Variants in SLC4A10 observed in about 807,000 individuals in gnomAD.
SLC4A10 encodes the protein sodium-driven chloride bicarbonate exchanger.
SLC4A10 carries 42 observed loss-of-function variants against 137.7 expected under a neutral mutation model. The ratio of observed to expected loss-of-function variants is 0.30; its 90% CI spans 0.24 to 0.39. The LOEUF is 0.39. Ranked by LOEUF, SLC4A10 falls within the 10% of genes least tolerant of loss-of-function variation. The probability of loss-of-function intolerance (pLI) is 1.00; values close to 1 mark genes in which losing one functional copy is unlikely to be tolerated. For missense variants in SLC4A10, 925 were observed against 1,355.0 expected (o/e 0.68, Z 4.98); for synonymous variants, 474 against 464.1 (o/e 1.02, Z -0.27).
chr2:161,685,924 G>T (rs760224936), intron 1 of SLC4A10, among the ~76,000 whole-genome samples: 1 of 152,080 alleles, frequency 6.6e-6, no homozygotes, highest in Non-Finnish European at 1.5e-5. Context: ...AGAAAGACAC[G>T]GTCCCTGCCT....
At chr2:161,943,735 T>TA (rs1157188869) in intron 16 of SLC4A10, among the ~76,000 whole-genome samples, 1 of 151,984 alleles carries the variant, frequency 6.6e-6, no homozygotes, top group Non-Finnish European at 1.5e-5. Context: ...TACCTACCCA[T>TA]ATAGGCTCAA....
chr2:161,923,674 T>C (rs1406093060), intron 15 of SLC4A10, among the ~76,000 whole-genome samples: 1 of 147,318 alleles, frequency 6.8e-6, no homozygotes, highest in Admixed American at 6.8e-5. Flanking sequence ...GGGCCTGTTG[T>C]GGGGTGGGGG....
At chr2:161,923,833 AAAG>A (rs1688580884) in intron 15 of SLC4A10, among the ~76,000 whole-genome samples, 1 of 152,174 alleles carries the variant, frequency 6.6e-6, no homozygotes, top group Non-Finnish European at 1.5e-5. Context: ...ATAATAAAAA[AAAG>A]AAAAAAAAAT....
chr2:161,806,498 ACTT>A (rs2055975412), intron 3 of SLC4A10, among the ~76,000 whole-genome samples: 1 of 152,128 alleles, frequency 6.6e-6, no homozygotes, highest in African/African-American at 2.4e-5. Context: ...CATCCAAGTC[ACTT>A]CTTGAATGCT....
rs536100826 is a variant in SLC4A10, at chr2:161,788,126, G to T, written c.131-16323G>T. ...TATGACTGTGGTGTATGTTGTATGT[G>T]ATTGTTTGGCTTCTTTTCTGGGGTT... is the stretch of plus-strand genomic sequence containing the variant. On this transcript the variant is annotated intron_variant, in intron 2 of 26. Transcript: ENST00000446997. Among the ~76,000 whole-genome samples, 28 of 151,416 alleles carry T rather than the reference G, an allele frequency of 1.8e-4. 1 individual carries two copies. The South Asian group carries it at 5.5e-3, about 30-fold the overall frequency.
At chr2:161,966,743 A>AAAAAAAAAC (rs1553645656) in intron 23 of SLC4A10, among the ~76,000 whole-genome samples, 1 of 149,720 alleles carries the variant, frequency 6.7e-6, no homozygotes, top group Non-Finnish European at 1.5e-5. Context: ...CTCAAAAAAA[A>AAAAAAAAAC]AAAAAACAAA....
chr2:161,748,950 A>AT (rs1354624339), intron 1 of SLC4A10, among the ~76,000 whole-genome samples: 5 of 152,024 alleles, frequency 3.3e-5, no homozygotes, highest in East Asian at 1.9e-4. Flanking sequence ...CTTCTTCAAT[A>AT]TTTTTTTAAC....
intron 1 of SLC4A10, among the ~76,000 whole-genome samples, chr2:161,674,685 A>G (rs2040096507): frequency 6.6e-6 from 1 of 152,182 alleles, no homozygotes; most frequent in Non-Finnish European, 1.5e-5. Context: ...GTCTGTTTAT[A>G]TATACCCTGA....
At chr2:161,729,147 G>A (rs538711452) in intron 1 of SLC4A10, among the ~76,000 whole-genome samples, 1 of 152,244 alleles carries the variant, frequency 6.6e-6, no homozygotes, top group South Asian at 2.1e-4. Flanking sequence ...AGGCAAAGAT[G>A]TCAAATATCA....
chr2:161,917,186 TGCA>T (rs1687271376), intron 15 of SLC4A10, among the ~76,000 whole-genome samples: 4 of 152,244 alleles, frequency 2.6e-5, no homozygotes, highest in Admixed American at 2.6e-4. Flanking sequence ...CTGATTTTGT[TGCA>T]TGTATCAATT....
intron 1 of SLC4A10, among the ~76,000 whole-genome samples, chr2:161,755,679 T>C (rs1488478000): frequency 6.6e-6 from 1 of 152,148 alleles, no homozygotes; most frequent in East Asian, 1.9e-4. Flanking sequence ...AATTCCAATA[T>C]CTTCATCCCT....
chr2:161,778,307 A>C (rs935224400), intron 2 of SLC4A10, among the ~76,000 whole-genome samples: 3 of 151,934 alleles, frequency 2.0e-5, no homozygotes, highest in African/African-American at 7.2e-5. Flanking sequence ...AGATAATAAT[A>C]ATAATTATCT....
At position 161,964,127 on chromosome 2, in the gene SLC4A10, T is replaced by C; in HGVS notation, c.2863-8T>C. The C allele has an allele frequency of 6.3e-7, 1 of 1,587,072 alleles. No homozygotes were observed. Among genetic ancestry groups the C allele is most frequent in the Non-Finnish European group, 8.6e-7 (1 of 1,165,588 alleles). ...CCTAAAAACAATTTAGTCTGTTTAA[T>C]CTTTTAGTTCTTTGATAGGATAAAG... On this transcript the variant is annotated splice_polypyrimidine_tract_variant and splice_region_variant and intron_variant, in intron 21 of 26. Coordinates refer to ENST00000446997, the MANE Select transcript of SLC4A10 (RefSeq NM_001178015.2).
At chr2:161,937,878 T>A (rs1183420837) in intron 15 of SLC4A10, among the ~76,000 whole-genome samples, 4 of 152,062 alleles carry the variant, frequency 2.6e-5, no homozygotes, top group African/African-American at 9.7e-5. Context: ...GGAGGAGAAG[T>A]AAAGAACAGG....
chr2:161,933,054 G>C (rs1440175495), intron 15 of SLC4A10, among the ~76,000 whole-genome samples: 1 of 152,050 alleles, frequency 6.6e-6, no homozygotes. Flanking sequence ...ACAGAATTTT[G>C]TTCCTTTTTA....
intron 4 of SLC4A10, among the ~76,000 whole-genome samples, chr2:161,851,012 T>C (rs2125839176): frequency 6.6e-6 from 1 of 152,330 alleles, no homozygotes; most frequent in South Asian, 2.1e-4. Context: ...CATGTAATTG[T>C]ATGCTTTTGA....
chr2:161,686,862 A>T (rs2124880682), intron 1 of SLC4A10, among the ~76,000 whole-genome samples: 1 of 150,422 alleles, frequency 6.6e-6, no homozygotes, highest in East Asian at 2.0e-4. Context: ...TTTTTTGGTT[A>T]TTTCTTTTTT....
intron 9 of SLC4A10, 46 bp downstream of exon 9, chr2:161,879,334 T>C (rs1052701041): frequency 3.6e-5 from 54 of 1,515,464 alleles, no homozygotes; most frequent in Non-Finnish European, 4.7e-5. Context: ...AAACCATCTT[T>C]TCATGGAAAG....
chr2:161,643,239 A>G lies in SLC4A10; in HGVS notation c.48+18673A>G, dbSNP rs572994247. 1.2e-4 allele frequency among the ~76,000 whole-genome samples: 18 copies of G among 152,212 alleles called. No individual in the cohort carries two copies. In the East Asian group the frequency reaches 3.3e-3, roughly 28 times the overall value. On this transcript the variant is annotated intron_variant, in intron 1 of 26. Coordinates refer to ENST00000446997, the MANE Select transcript of SLC4A10 (RefSeq NM_001178015.2). ...ATAATGAGGAATGTGCTGTTGTGCT[A>G]TTAAATGAATAGAAATCAGACTTGA... is the stretch of plus-strand genomic sequence containing the variant.
Sources: allele counts gnomAD v4.1 joint callset (sites outside exome capture counted in the v4.1 genomes callset), GRCh38; gene constraint gnomAD v4.1.1; transcripts MANE v1.5; gene names NCBI Gene and HGNC (gene_info 2026-07-23, HGNC 2026-07-21).